Variants in GPR108 observed in about 807,000 individuals in gnomAD.
GPR108 encodes the protein protein GPR108.
In GPR108, 60 loss-of-function variants were observed where a neutral mutation model predicts 74.3. The observed-to-expected ratio is 0.81, with a 90% CI of 0.66 to 1.00. The LOEUF (loss-of-function observed/expected upper bound fraction) is 1.00, where lower values mean the gene tolerates loss of function less well. Among genes scored for constraint, GPR108 ranks in the 50% least tolerant of loss-of-function variants. GPR108 has a pLI of 0.00. For synonymous variants in GPR108, 311 were observed against 292.4 expected, an observed-to-expected ratio of 1.06 and a Z score of -0.65; for missense variants, 667 against 703.3, an observed-to-expected ratio of 0.95 and a Z score of 0.58.
Position 6,732,274 on chromosome 19 carries a change from T to C in GPR108, c.1114A>G (p.Ile372Val). 1 of 1,612,456 alleles carries C rather than the reference T, an allele frequency of 6.2e-7. No homozygotes were observed. The highest frequency in any genetic ancestry group is 8.5e-7 in the Non-Finnish European group (1 of 1,179,998). The change falls in exon 12 of 18, where the codon ATC (isoleucine) becomes GTC (valine). Residue 372 changes from isoleucine (I) to valine (V), a missense_variant. By Grantham distance (29) the Ile-to-Val change is conservative. Coordinates refer to ENST00000264080, the MANE Select transcript of GPR108 (RefSeq NM_001080452.2). The stretch of plus-strand genomic sequence containing the variant: ...TGCTCCATCCGCACCTGCATGGGGA[T>C]CACGATCCCAAAGACCTTCTTCTCC... ...DKEKKVFGIV[I>V]PMQVLANVAY...
chr19:6,734,506 G>A (rs903691747), intron 4 of GPR108, among the ~76,000 whole-genome samples, 199 bp from the exon 5 acceptor site: 1 of 152,174 alleles, frequency 6.6e-6, no homozygotes, highest in Admixed American at 6.5e-5. Context: ...GCCTGCATCC[G>A]CAGTTATTCG....
At chr19:6,731,154 C>G in intron 16 of GPR108, 43 bp from the exon 17 acceptor site, 1 of 1,608,462 alleles carries the variant, frequency 6.2e-7, no homozygotes, top group South Asian at 1.1e-5. Context: ...GCACCCCCAC[C>G]CCCACCGTGG....
chr19:6,736,824 C>A, intron 1 of GPR108, 113 bp from the exon 2 acceptor site: 1 of 1,450,900 alleles, frequency 6.9e-7, no homozygotes, highest in Non-Finnish European at 9.4e-7. Flanking sequence ...CTATTTAGGA[C>A]AGGCCCAGAG....
rs543923726 is a variant in GPR108 at position 6,735,503 on chromosome 19, A to C, written c.374+119T>G. On this transcript the variant is annotated intron_variant, in intron 4 of 17. Coordinates refer to ENST00000264080, the MANE Select transcript of GPR108 (RefSeq NM_001080452.2). ...TCAGAAGACTTGAAGGCAAAACTAAAAAGTAAGTGGCTTTCTCTCTCTGCT... is the reference window on the plus strand; with the variant it reads ...TCAGAAGACTTGAAGGCAAAACTAACAAGTAAGTGGCTTTCTCTCTCTGCT... The C allele has an allele frequency of 3.4e-5, 29 of 862,632 alleles. No homozygotes were observed. In the African/African-American group the frequency reaches 4.7e-4, roughly 14 times the overall value. The allele number at this position is 862,632 out of a possible 1,614,324, so 53.4% of individuals were successfully genotyped here. A position where few individuals can be genotyped will look rare whatever the true frequency, so the allele number is the denominator to read the frequency against.
rs202003872 is a variant in GPR108, at chr19:6,731,038, G to C, written c.1508C>G (p.Pro503Arg). 12 of 1,613,552 alleles carry C rather than the reference G, an allele frequency of 7.4e-6. No homozygotes were observed. The highest frequency in any genetic ancestry group is 1.3e-5 in the African/African-American group (1 of 74,840). Residue 503 changes from proline to arginine, a missense_variant, in exon 17 of 18, where the codon CCG becomes CGG. Pro to Arg is a moderately radical substitution (Grantham distance 103). Transcript: ENST00000264080. ...GTCCTCCTGGGGCAGCTGCAGGTAC[G>C]GGTTGTTTCCTGTGGGCTGGAACTT... is the stretch of plus-strand genomic sequence containing the variant. Reference protein sequence around the residue: ...GYKFQPTGNNPYLQLPQEDEE... With the variant: ...GYKFQPTGNNRYLQLPQEDEE...
intron 5 of GPR108, 40 bp downstream of exon 5, chr19:6,734,143 C>G (rs371144229): frequency 1.9e-6 from 3 of 1,614,052 alleles, no homozygotes; most frequent in Non-Finnish European, 2.5e-6. Context: ...AAGGGCAGAC[C>G]TGCCCATCCA....
At position 6,731,878 on chromosome 19, in the gene GPR108, C is replaced by G. The variant is rs202212355; in HGVS notation, c.1300+13G>C. ...GGGCCATGAGCAGAGGGCCTGCAGG[C>G]GCAGGGCCTCACCCTTCCCGTCTGT... On this transcript the variant is annotated intron_variant, in intron 14 of 17. Coordinates refer to ENST00000264080, the MANE Select transcript of GPR108 (RefSeq NM_001080452.2). 204 of 1,611,188 alleles carry G rather than the reference C, an allele frequency of 1.3e-4. 1 individual carries two copies. The East Asian group carries it at 3.6e-3, about 28-fold the overall frequency.
chr19:6,730,925 G>A (rs1968369466), intron 17 of GPR108, 62 bp downstream of exon 17: 1 of 882,914 alleles, frequency 1.1e-6, no homozygotes, highest in Admixed American at 2.0e-5. Flanking sequence ...CCTGCCCGTA[G>A]AGCTGCCCAC....
chr19:6,734,159 G>C (rs374664212), intron 5 of GPR108, 24 bp downstream of exon 5: 72 of 1,614,072 alleles, frequency 4.5e-5, no homozygotes, highest in Middle Eastern at 1.6e-4. Context: ...ATCCACCCCC[G>C]TCTGCACAGC....
intron 4 of GPR108, 142 bp from the exon 5 acceptor site, chr19:6,734,449 C>T: frequency 1.3e-6 from 1 of 792,302 alleles, no homozygotes; most frequent in Non-Finnish European, 2.0e-6. Flanking sequence ...CACTGAGTTT[C>T]AGCCTTTGGT....
At chr19:6,733,745 G>T (rs1228202764) in intron 7 of GPR108, 71 bp from the exon 8 acceptor site, 4 of 1,578,306 alleles carry the variant, frequency 2.5e-6, no homozygotes, top group African/African-American at 2.7e-5. Flanking sequence ...CAGCTTGGGG[G>T]TCCCATGGTC....
In GPR108 at chr19:6,730,981, G is replaced by C. The variant is rs367838727; in HGVS notation, c.1559+6C>G. ...CCGCCGGCCCTGCCCATGGTGCCCA[G>C]CTCACACTTGCTCCATCTGAACATC... is the stretch of plus-strand genomic sequence containing the variant. On this transcript the variant is annotated splice_donor_region_variant and intron_variant, in intron 17 of 17. Transcript: ENST00000264080. 5.1e-6 allele frequency: 7 copies of C among 1,379,456 alleles called. No individual in the cohort carries two copies. The highest frequency in any genetic ancestry group is 5.8e-6 in the Non-Finnish European group (6 of 1,034,414). 85.5% of individuals were successfully genotyped at this position (1,379,456 alleles called of 1,614,324 possible). A position where few individuals can be genotyped will look rare whatever the true frequency, so the allele number is the denominator to read the frequency against.
At chr19:6,735,854 C>A (rs1968613327) in intron 3 of GPR108, 54 bp downstream of exon 3, 1 of 1,578,692 alleles carries the variant, frequency 6.3e-7, no homozygotes. Flanking sequence ...AGAGGACAGA[C>A]CCTACCCCCT....
rs779388673 is a variant in GPR108, at chr19:6,732,072, G to T, written c.1209C>A (p.Phe403Leu). Reference protein sequence around the residue: ...SDYVLWKEILFLVDLICCGAI... With the variant: ...SDYVLWKEILLLVDLICCGAI... ...CACCACAGCAGATGAGGTCCACCAGGAACAAAATCTCCTTCCACAGCACGT... is the reference window on the plus strand; with the variant it reads ...CACCACAGCAGATGAGGTCCACCAGTAACAAAATCTCCTTCCACAGCACGT... Residue 403 changes from phenylalanine (F) to leucine (L), a missense_variant, in exon 13 of 18, where the codon TTC becomes TTA. Coordinates refer to ENST00000264080, the MANE Select transcript of GPR108 (RefSeq NM_001080452.2). The T allele has an allele frequency of 5.6e-6, 9 of 1,613,924 alleles. No individual in the cohort carries two copies. The highest frequency in any genetic ancestry group is 5.9e-6 in the Non-Finnish European group (7 of 1,179,992).
intron 15 of GPR108, 40 bp from the exon 16 acceptor site, chr19:6,731,322 G>A (rs1215836922): frequency 7.2e-6 from 11 of 1,522,254 alleles, no homozygotes; most frequent in Non-Finnish European, 9.7e-6. Context: ...GGACTGTAGG[G>A]GCACGGGCAG....
chr19:6,736,796 G>A (rs1270833602), intron 1 of GPR108, 85 bp from the exon 2 acceptor site: 3 of 1,586,662 alleles, frequency 1.9e-6, no homozygotes, highest in East Asian at 2.2e-5. Flanking sequence ...ACCTCCAGAA[G>A]GGCCTCCTGG....
In GPR108 at chr19:6,736,658, G is replaced by A. The variant is rs757837281; in HGVS notation, c.174C>T (p.Gly58=). The change falls in exon 2 of 18, where the codon GGC becomes GGT. Residue 58 remains glycine, a synonymous_variant. Coordinates refer to ENST00000264080, the MANE Select transcript of GPR108 (RefSeq NM_001080452.2). ...QLNSFGFYTN[G]SLEVELSVLR... ...GGACGCTCAACTCCACCTCCAGAGAGCCATTGGTGTAGAAACCGAAGCTGT... is the reference window on the plus strand; with the variant it reads ...GGACGCTCAACTCCACCTCCAGAGAACCATTGGTGTAGAAACCGAAGCTGT... 3 of 1,614,122 alleles carry A rather than the reference G, an allele frequency of 1.9e-6. No homozygotes were observed. The highest frequency in any genetic ancestry group is 1.7e-5 in the Admixed American group (1 of 60,020).
intron 17 of GPR108, 32 bp from the exon 18 acceptor site, chr19:6,730,416 T>G (rs1968343255): frequency 6.3e-7 from 1 of 1,593,056 alleles, no homozygotes; most frequent in Admixed American, 1.7e-5. Context: ...GCGTCTAGCG[T>G]TGCAGGGCAG....
chr19:6,734,208 G>A lies in GPR108; in HGVS notation c.474C>T (p.Ala158=). 1 of 1,614,228 alleles carries A rather than the reference G, an allele frequency of 6.2e-7. No individual in the cohort carries two copies. Among genetic ancestry groups the A allele is most frequent in the Non-Finnish European group, 8.5e-7 (1 of 1,180,044 alleles). Residue 158 remains alanine, a synonymous_variant, in exon 5 of 18, where the codon GCC becomes GCT. Coordinates refer to ENST00000264080, the MANE Select transcript of GPR108 (RefSeq NM_001080452.2). ...CGCCATCCACCTTGCGGGGGACTGT[G>A]GCCTGTGGCTTCGGGAGCCCTGGTT... ...PSKPGLPKPQ[A]TVPRKVDGGG...
Sources: gnomAD v4.1 joint callset for allele counts (sites outside exome capture counted in the v4.1 genomes callset) on GRCh38, gnomAD v4.1.1 for gene constraint, MANE v1.5 for transcripts, NCBI Gene and HGNC (gene_info 2026-07-23, HGNC 2026-07-21) for gene names.